The following WHAMM variants were observed in gnomAD, a reference collection of about 807,000 sequenced individuals.
WHAMM encodes WASP homolog-associated protein with actin, membranes and microtubules.
A neutral mutation model predicts 76.5 loss-of-function variants in WHAMM; 67 were observed. That is an observed-to-expected ratio of 0.88 (90% CI 0.72 to 1.07). WHAMM has a LOEUF of 1.07. Ranked by LOEUF, WHAMM falls within the 50% of genes least tolerant of loss-of-function variation. The probability of loss-of-function intolerance (pLI) is 0.00; values close to 1 mark genes in which losing one functional copy is unlikely to be tolerated. For missense variants in WHAMM, 1,021 were observed against 1,051.1 expected, an observed-to-expected ratio of 0.97 and a Z score of 0.40; for synonymous variants, 419 against 422.1, an observed-to-expected ratio of 0.99 and a Z score of 0.09.
intron 6 of WHAMM, among the ~76,000 whole-genome samples, chr15:82,824,839 C>A (rs1246075201): frequency 6.6e-6 from 1 of 152,168 alleles, no homozygotes; most frequent in Admixed American, 6.5e-5. Context: ...ATGTTCATTA[C>A]TCTTCCATGT....
rs903572439 is a variant in WHAMM at position 82,835,792 on chromosome 15, G to A, written c.*2256G>A. On this transcript the variant is annotated 3_prime_UTR_variant, in exon 10 of 10. Transcript: ENST00000286760. ...GCATCAGGTCCAGATCCCAGAGACA[G>A]GTCCAGTGGCTGTGGCCCAGGCCTC... is the stretch of plus-strand genomic sequence containing the variant. 2.6e-5 allele frequency: 4 copies of A among 152,268 alleles called. No homozygotes were observed. Among genetic ancestry groups the A allele is most frequent in the Non-Finnish European group, 4.4e-5 (3 of 68,068 alleles). The allele number at this position is 152,268 out of a possible 1,614,324, so 9.4% of individuals were successfully genotyped here.
chr15:82,823,145 A>G lies in WHAMM; in HGVS notation c.1316A>G (p.Glu439Gly). Residue 439 changes from glutamate to glycine, a missense_variant, in exon 6 of 10, where the codon GAG (glutamate) becomes GGG (glycine). By Grantham distance (98) the Glu-to-Gly change is moderately conservative. Coordinates refer to ENST00000286760, the MANE Select transcript of WHAMM (RefSeq NM_001080435.3). ...VVYYDPCENPEELKVIDCVVG... is the reference protein window; with the variant it reads ...VVYYDPCENPGELKVIDCVVG... Reference sequence around the variant, plus strand: ...TATTACGATCCATGTGAAAATCCAGAGGAACTTAAAGTCATTGACTGTGTG... The same window carrying G: ...TATTACGATCCATGTGAAAATCCAGGGGAACTTAAAGTCATTGACTGTGTG... 1 of 1,486,116 alleles carries G rather than the reference A, an allele frequency of 6.7e-7. No homozygotes were observed. The highest frequency in any genetic ancestry group is 2.1e-5 in the Admixed American group (1 of 46,814). The allele number at this position is 1,486,116 out of a possible 1,614,324, so 92.1% of individuals were successfully genotyped here. A position where few individuals can be genotyped will look rare whatever the true frequency, so the allele number is the denominator to read the frequency against.
chr15:82,817,908 A>G lies in WHAMM; in HGVS notation c.935-12A>G. Reference sequence around the variant, plus strand: ...TGAGGTGTAATTATATTTTATTTTTATAATCCAACAGGAATGCAGAAAGAA... The same window carrying G: ...TGAGGTGTAATTATATTTTATTTTTGTAATCCAACAGGAATGCAGAAAGAA... On this transcript the variant is annotated splice_polypyrimidine_tract_variant and intron_variant, in intron 3 of 9. Transcript: ENST00000286760. 1 of 1,495,782 alleles carries G rather than the reference A, an allele frequency of 6.7e-7. No individual in the cohort carries two copies. The highest frequency in any genetic ancestry group is 8.9e-7 in the Non-Finnish European group (1 of 1,118,736). 92.7% of individuals were successfully genotyped at this position (1,495,782 alleles called of 1,614,324 possible).
chr15:82,811,524 T>C (rs763226606), intron 1 of WHAMM, among the ~76,000 whole-genome samples: 1 of 152,244 alleles, frequency 6.6e-6, no homozygotes, highest in Non-Finnish European at 1.5e-5. Context: ...TCTGGGGTAC[T>C]ATAGCATGAA....
At chr15:82,810,523 G>C in intron 1 of WHAMM, 188 bp downstream of exon 1, 1 of 985,468 alleles carries the variant, frequency 1.0e-6, no homozygotes, top group East Asian at 1.1e-4. Context: ...GGAGCTGCGG[G>C]AGGGTCTGCA....
chr15:82,814,801 G>A (rs1177513070), intron 2 of WHAMM, among the ~76,000 whole-genome samples: 5 of 97,062 alleles, frequency 5.2e-5, no homozygotes, highest in South Asian at 3.2e-4. Flanking sequence ...ACAGAGTCTC[G>A]CTCTGTCGCC....
rs921018351 is a variant in WHAMM at position 82,814,997 on chromosome 15, C to T, written c.784-1695C>T. On this transcript the variant is annotated intron_variant, in intron 2 of 9. Transcript: ENST00000286760. Reference sequence around the variant, plus strand: ...ATGTTAGCCAGGATGGTCTTGATCTCCTGACCTCGTGATCCGCCCGTCTCG... The same window carrying T: ...ATGTTAGCCAGGATGGTCTTGATCTTCTGACCTCGTGATCCGCCCGTCTCG... 4.4e-4 allele frequency among the ~76,000 whole-genome samples: 65 copies of T among 148,714 alleles called. 1 individual carries two copies. The highest frequency in any genetic ancestry group is 1.3e-4 in the Non-Finnish European group (9 of 67,250).
At chr15:82,829,452 A>G (rs545817733) in intron 8 of WHAMM, among the ~76,000 whole-genome samples, 1 of 152,356 alleles carries the variant, frequency 6.6e-6, no homozygotes, top group Admixed American at 6.5e-5. Context: ...TTGGATGACC[A>G]CTGGAGTTTA....
intron 5 of WHAMM, among the ~76,000 whole-genome samples, chr15:82,820,807 A>G (rs1204280544): frequency 1.3e-5 from 2 of 151,372 alleles, no homozygotes; most frequent in South Asian, 2.1e-4. Context: ...AGGCAGGAGA[A>G]TCGCTTGAAC....
chr15:82,810,105 TG>T lies in WHAMM; in HGVS notation c.382del (p.Ala128ArgfsTer88). 1 of 1,305,342 alleles carries T rather than the reference TG, an allele frequency of 7.7e-7. No individual in the cohort carries two copies. The highest frequency in any genetic ancestry group is 9.8e-7 in the Non-Finnish European group (1 of 1,023,162). 80.9% of individuals were successfully genotyped at this position (1,305,342 alleles called of 1,614,324 possible). On this transcript the variant is annotated frameshift_variant, in exon 1 of 10. Transcript: ENST00000286760. LOFTEE classifies it high-confidence loss of function. ...GGAWGLGLGL[W>X]ALLWPTRAGP... ...GGCCTGGGGTCTGGGGCTCGGGCTG[TG>T]GGCGCTGCTGTGGCCGACGCGCGCG... is the stretch of plus-strand genomic sequence containing the variant.
chr15:82,819,134 T>A (rs966064636), intron 4 of WHAMM, among the ~76,000 whole-genome samples, 189 bp from the exon 5 acceptor site: 3 of 152,178 alleles, frequency 2.0e-5, no homozygotes. Flanking sequence ...AACCTAAATG[T>A]TTTCCTCTGT....
intron 9 of WHAMM, among the ~76,000 whole-genome samples, chr15:82,831,979 C>T (rs1451374541): frequency 6.6e-6 from 1 of 152,180 alleles, no homozygotes; most frequent in African/African-American, 2.4e-5. Flanking sequence ...CTTCACTGTA[C>T]CTAGAACCAG....
intron 8 of WHAMM, among the ~76,000 whole-genome samples, chr15:82,828,230 A>C (rs2050969082): frequency 6.6e-6 from 1 of 152,252 alleles, no homozygotes; most frequent in African/African-American, 2.4e-5. Context: ...ACCAAGGTTC[A>C]GAATGGTTGG....
At chr15:82,813,402 A>G (rs1474519155) in intron 2 of WHAMM, 126 bp downstream of exon 2, 1 of 989,520 alleles carries the variant, frequency 1.0e-6, no homozygotes, top group Non-Finnish European at 1.4e-6. Context: ...TTATTTATTT[A>G]CTTATTTATT....
In WHAMM at chr15:82,819,511, G is replaced by A. The variant is rs1016190327; in HGVS notation, c.1270+23G>A. On this transcript the variant is annotated intron_variant, in intron 5 of 9. Coordinates refer to ENST00000286760, the MANE Select transcript of WHAMM (RefSeq NM_001080435.3). Reference sequence around the variant, plus strand: ...AAGGTAAAATTTAAGTATATAGATTGCAATGTTTAAATTATAAATTTAAGG... The same window carrying A: ...AAGGTAAAATTTAAGTATATAGATTACAATGTTTAAATTATAAATTTAAGG... The A allele has an allele frequency of 1.1e-5, 12 of 1,112,564 alleles. No homozygotes were observed. In the African/African-American group the frequency reaches 1.5e-4, roughly 14 times the overall value. The allele number at this position is 1,112,564 out of a possible 1,614,324, so 68.9% of individuals were successfully genotyped here.
intron 1 of WHAMM, among the ~76,000 whole-genome samples, chr15:82,811,268 G>C (rs377602346): frequency 2.6e-5 from 4 of 152,078 alleles, no homozygotes; most frequent in South Asian, 4.1e-4. Context: ...TAGAATATGA[G>C]GAAACCACAG....
At chr15:82,814,806 G>T (rs191283349) in intron 2 of WHAMM, among the ~76,000 whole-genome samples, 3,620 of 113,866 alleles carry the variant, frequency 0.032, 214 homozygotes, top group African/African-American at 0.12. Flanking sequence ...GTCTCGCTCT[G>T]TCGCCCAGGC....
rs2050603433 is a variant in WHAMM at position 82,810,221 on chromosome 15, G to A, written c.495G>A (p.Val165=). The change falls in exon 1 of 10, where the codon GTG becomes GTA. Residue 165 remains valine (V), a synonymous_variant. Transcript: ENST00000286760. ...CCGACGGCTGCGGCGGCGCCACAGT[G>A]CGCGACGCACTCTTCCCGGCTGAGG... ...AAADGCGGAT[V]RDALFPAEGG... The A allele has an allele frequency of 7.1e-7, 1 of 1,416,904 alleles. No individual in the cohort carries two copies. The allele number at this position is 1,416,904 out of a possible 1,614,324, so 87.8% of individuals were successfully genotyped here.
At chr15:82,810,464 G>A in intron 1 of WHAMM, 129 bp downstream of exon 1, 1 of 1,223,676 alleles carries the variant, frequency 8.2e-7, no homozygotes, top group Non-Finnish European at 1.0e-6. Context: ...AGAAGGCCGC[G>A]GGCTCCCCAG....
Sources: gnomAD v4.1 joint callset for allele counts (sites outside exome capture counted in the v4.1 genomes callset) on GRCh38, gnomAD v4.1.1 for gene constraint, MANE v1.5 for transcripts, NCBI Gene and HGNC (gene_info 2026-07-23, HGNC 2026-07-21) for gene names.